Variants in CREG2 observed in about 807,000 individuals in gnomAD.
CREG2 encodes protein CREG2.
In CREG2, 24 loss-of-function variants were observed where a neutral mutation model predicts 26.2. The observed-to-expected ratio is 0.92, with a 90% CI of 0.66 to 1.29. CREG2 has a LOEUF of 1.29. Among genes scored for constraint, CREG2 ranks in the 50% most tolerant of loss-of-function variants. CREG2 has a pLI of 0.00. For missense variants in CREG2, 366 were observed against 398.6 expected (o/e 0.92, Z 0.70); for synonymous variants, 174 against 169.2 (o/e 1.03, Z -0.22).
intron 2 of CREG2, among the ~76,000 whole-genome samples, chr2:101,377,430 C>G (rs1052015675): frequency 6.6e-6 from 1 of 152,114 alleles, no homozygotes. Flanking sequence ...CAAGAAGGTG[C>G]GAACCTAAAA....
intron 1 of CREG2, among the ~76,000 whole-genome samples, chr2:101,386,407 T>C (rs1391818401): frequency 6.6e-6 from 1 of 152,240 alleles, no homozygotes; most frequent in African/African-American, 2.4e-5. Flanking sequence ...GGTGGAATCA[T>C]GTCTAACAGG....
intron 2 of CREG2, among the ~76,000 whole-genome samples, chr2:101,367,557 T>A (rs1156237352): frequency 2.0e-5 from 3 of 152,180 alleles, no homozygotes; most frequent in African/African-American, 7.2e-5. Context: ...ATTTAAACTG[T>A]TACTTCCATC....
intron 2 of CREG2, among the ~76,000 whole-genome samples, chr2:101,357,275 A>C (rs1425603455): frequency 6.6e-6 from 1 of 152,186 alleles, no homozygotes. Flanking sequence ...CACCCGCCTC[A>C]GCCTCCCAAA....
chr2:101,353,983 G>A (rs1684418164), intron 3 of CREG2, among the ~76,000 whole-genome samples: 1 of 152,174 alleles, frequency 6.6e-6, no homozygotes, highest in Admixed American at 6.5e-5. Context: ...GAGGCAAGAG[G>A]ATGGAAAGCA....
At chr2:101,364,447 C>T (rs1018530237) in intron 2 of CREG2, among the ~76,000 whole-genome samples, 9 of 152,200 alleles carry the variant, frequency 5.9e-5, no homozygotes, top group Non-Finnish European at 1.3e-4. Flanking sequence ...TCTCAGCTCC[C>T]TGTTTGAGAT....
Position 101,383,659 on chromosome 2 carries a change from C to G in CREG2, c.485G>C (p.Gly162Ala). ...PFGNCLPVSD[G>A]PFNNSTGIPF... ...AATCCCAGTGCTATTGTTGAAGGGG[C>G]CATCACTGACGGGCAGGCAGTTCCC... The change falls in exon 2 of 4, where the codon GGC becomes GCC. Residue 162 changes from glycine to alanine, a missense_variant. Around this residue, in one of 3 missense-constraint regions of CREG2, gnomAD observed 174 missense variants for 178.2 expected, o/e 0.98. Coordinates refer to ENST00000324768, the MANE Select transcript of CREG2 (RefSeq NM_153836.4). 6.2e-7 allele frequency: 1 copy of G among 1,612,934 alleles called. No individual in the cohort carries two copies. The highest frequency in any genetic ancestry group is 8.5e-7 in the Non-Finnish European group (1 of 1,179,418).
intron 2 of CREG2, among the ~76,000 whole-genome samples, chr2:101,360,060 G>C (rs1168682669): frequency 6.6e-6 from 1 of 152,174 alleles, no homozygotes; most frequent in Non-Finnish European, 1.5e-5. Context: ...GACAAGACTA[G>C]ATCAATCATT....
intron 2 of CREG2, chr2:101,382,729 C>G: frequency 1.0e-6 from 1 of 985,388 alleles, no homozygotes; most frequent in Non-Finnish European, 1.2e-6. Context: ...CCGTGCTGTG[C>G]ATAAAGAATA....
chr2:101,358,753 T>TGAGAGTTTATTAAAAAGTTTTAG (rs1684498202), intron 2 of CREG2, among the ~76,000 whole-genome samples: 1 of 31,850 alleles, frequency 3.1e-5, no homozygotes, highest in African/African-American at 5.9e-5. Context: ...AGAACTGAGG[T>TGAGAGTTTATTAAAAAGTTTTAG]GGCCGGGCGC....
chr2:101,359,083 A>G (rs1684504824), intron 2 of CREG2, among the ~76,000 whole-genome samples: 2 of 143,874 alleles, frequency 1.4e-5, no homozygotes, highest in African/African-American at 2.7e-5. Context: ...GAGAGAACTG[A>G]GGCAAGTTTT....
At chr2:101,375,050 T>C (rs1192414197) in intron 2 of CREG2, among the ~76,000 whole-genome samples, 1 of 152,134 alleles carries the variant, frequency 6.6e-6, no homozygotes, top group Non-Finnish European at 1.5e-5. Context: ...TGTTGATGTG[T>C]CTGCAGTATA....
At position 101,387,377 on chromosome 2, in the gene CREG2, G is replaced by T; in HGVS notation, c.81C>A (p.Ser27=). ...TCACGATCACGTAGCCCGCGGCCGG[G>T]GACAGCAGGGCGCTGCAGCACAGCA... ...SWLLCCSALL[S]PAAGYVIVSS... is the part of the protein sequence containing the mutation. The change falls in exon 1 of 4, where the codon TCC becomes TCA. Residue 27 remains serine, a synonymous_variant. Transcript: ENST00000324768. The surrounding 1 kb of genome is among the most constrained non-coding windows in gnomAD (Gnocchi z 4.7). 1 of 1,461,076 alleles carries T rather than the reference G, an allele frequency of 6.8e-7. No homozygotes were observed. Among genetic ancestry groups the T allele is most frequent in the Admixed American group, 2.3e-5 (1 of 44,392 alleles). 90.5% of individuals were successfully genotyped at this position (1,461,076 alleles called of 1,614,324 possible).
In CREG2 at chr2:101,350,085, C is replaced by G. The variant is rs1204890533; in HGVS notation, c.*838G>C. ...CAGTTACTGGCTTCCTTTCTTCCTT[C>G]TGTAACGTGCTGCCTTTACTTTCCC... is the stretch of plus-strand genomic sequence containing the variant. On this transcript the variant is annotated 3_prime_UTR_variant, in exon 4 of 4. Coordinates refer to ENST00000324768, the MANE Select transcript of CREG2 (RefSeq NM_153836.4). 6.6e-6 allele frequency: 1 copy of G among 152,324 alleles called. No individual in the cohort carries two copies. The highest frequency in any genetic ancestry group is 1.5e-5 in the Non-Finnish European group (1 of 68,122). 9.4% of individuals were successfully genotyped at this position (152,324 alleles called of 1,614,324 possible). A position where few individuals can be genotyped will look rare whatever the true frequency, so the allele number is the denominator to read the frequency against.
At chr2:101,379,974 T>C (rs868220868) in intron 2 of CREG2, among the ~76,000 whole-genome samples, 4 of 114,720 alleles carry the variant, frequency 3.5e-5, no homozygotes, top group Middle Eastern at 4.9e-3. Flanking sequence ...AAAGCTTCTA[T>C]CTATCTATCT....
At chr2:101,353,856 AC>A (rs897729616) in intron 3 of CREG2, among the ~76,000 whole-genome samples, 4 of 152,192 alleles carry the variant, frequency 2.6e-5, no homozygotes, top group African/African-American at 9.7e-5. Context: ...CAGCAAACTA[AC>A]ACCAGAGCAA....
At chr2:101,381,619 CA>C (rs146912941) in intron 2 of CREG2, among the ~76,000 whole-genome samples, 1 of 152,198 alleles carries the variant, frequency 6.6e-6, no homozygotes, top group Non-Finnish European at 1.5e-5. Flanking sequence ...TAAACAGTGT[CA>C]GGGGTATAGC....
chr2:101,362,531 C>T (rs942481436), intron 2 of CREG2, among the ~76,000 whole-genome samples: 13 of 152,150 alleles, frequency 8.5e-5, no homozygotes, highest in African/African-American at 2.9e-4. Flanking sequence ...TGCCCACCTA[C>T]TGTTAGATGT....
At chr2:101,369,311 A>C (rs1684667964) in intron 2 of CREG2, among the ~76,000 whole-genome samples, 2 of 152,070 alleles carry the variant, frequency 1.3e-5, no homozygotes, top group South Asian at 4.1e-4. Context: ...AGCCCTGCAG[A>C]CTGGGTGGGG....
Position 101,359,665 on chromosome 2 carries a change from A to G in CREG2, c.612-4299T>C, listed in dbSNP as rs937963883. ...GATTGGGCCCTCTCCTGGCCTGCTC[A>G]TGTCTGACTAGCTACCTACAGTAAT... On this transcript the variant is annotated intron_variant, in intron 2 of 3. Coordinates refer to ENST00000324768, the MANE Select transcript of CREG2 (RefSeq NM_153836.4). Among the ~76,000 whole-genome samples, 10 of 152,316 alleles carry G rather than the reference A, an allele frequency of 6.6e-5. 1 individual carries two copies. Among genetic ancestry groups the G allele is most frequent in the Admixed American group, 3.9e-4 (6 of 15,298 alleles).
Sources: allele counts gnomAD v4.1 joint callset (sites outside exome capture counted in the v4.1 genomes callset), GRCh38; gene constraint gnomAD v4.1.1; regional missense constraint gnomAD v4.1.1; non-coding constraint Gnocchi (gnomAD v3.1); transcripts MANE v1.5; gene names NCBI Gene and HGNC (gene_info 2026-07-23, HGNC 2026-07-21).